Variants in KYNU observed in about 807,000 individuals in gnomAD.
The protein encoded by KYNU is L-kynurenine hydrolase.
KYNU carries 54 observed loss-of-function variants against 59.2 expected under a neutral mutation model. That is an observed-to-expected ratio of 0.91 (90% CI 0.73 to 1.14). The LOEUF (loss-of-function observed/expected upper bound fraction) is 1.14. KYNU is among the 50% of genes most tolerant of loss of function. The pLI is 0.00. For synonymous variants in KYNU, 177 were observed against 192.0 expected, an observed-to-expected ratio of 0.92 and a Z score of 0.65; for missense variants, 567 against 554.4, an observed-to-expected ratio of 1.02 and a Z score of -0.23.
At chr2:142,898,591 A>C (rs897024930) in intron 2 of KYNU, among the ~76,000 whole-genome samples, 3 of 152,234 alleles carry the variant, frequency 2.0e-5, no homozygotes, top group Non-Finnish European at 4.4e-5. Flanking sequence ...ATACCTAGCT[A>C]GTAATATTCC....
At position 143,055,665 on chromosome 2, in the gene KYNU, A is replaced by T. The variant is rs760317705; in HGVS notation, c.*13493A>T. 6.6e-6 allele frequency: 1 copy of T among 152,184 alleles called. No individual in the cohort carries two copies. Among genetic ancestry groups the T allele is most frequent in the Non-Finnish European group, 1.5e-5 (1 of 68,000 alleles). The allele number at this position is 152,184 out of a possible 1,614,324, so 9.4% of individuals were successfully genotyped here. A position where few individuals can be genotyped will look rare whatever the true frequency, so the allele number is the denominator to read the frequency against. On this transcript the variant is annotated 3_prime_UTR_variant, in exon 14 of 14. Transcript: ENST00000264170. ...AAGGAAGGAAGGAAGGAAGGAAGGA[A>T]GGAAGGAAGGAAGGAAGGAAAGGGA...
At chr2:143,036,861 G>A (rs926679826) in intron 12 of KYNU, among the ~76,000 whole-genome samples, 1 of 152,126 alleles carries the variant, frequency 6.6e-6, no homozygotes, top group African/African-American at 2.4e-5. Context: ...AGAAGTAAAT[G>A]CATGAATCAA....
chr2:142,954,894 G>A (rs898395131), intron 5 of KYNU, 23 bp downstream of exon 5: 2 of 1,376,944 alleles, frequency 1.5e-6, no homozygotes, highest in Non-Finnish European at 2.1e-6. Flanking sequence ...TCCCACTAAT[G>A]TTTAGAACAC....
At chr2:142,887,551 A>T (rs1011568928) in intron 2 of KYNU, among the ~76,000 whole-genome samples, 2 of 152,228 alleles carry the variant, frequency 1.3e-5, no homozygotes, top group African/African-American at 4.8e-5. Context: ...GAATTAACCC[A>T]TCATCAATAG....
intron 2 of KYNU, among the ~76,000 whole-genome samples, chr2:142,905,772 T>C (rs1682272446): frequency 6.6e-6 from 1 of 152,204 alleles, no homozygotes; most frequent in Non-Finnish European, 1.5e-5. Context: ...GGTTACTGGG[T>C]TAAGAATTTT....
At chr2:143,018,814 T>C (rs1686331360) in intron 10 of KYNU, among the ~76,000 whole-genome samples, 1 of 152,148 alleles carries the variant, frequency 6.6e-6, no homozygotes, top group African/African-American at 2.4e-5. Context: ...TTGGCAGAGT[T>C]TTGTAGTTCT....
chr2:142,993,538 G>A (rs1299854461), intron 10 of KYNU, among the ~76,000 whole-genome samples: 1 of 151,978 alleles, frequency 6.6e-6, no homozygotes, highest in Non-Finnish European at 1.5e-5. Context: ...GTGGAATCAT[G>A]ACATACAACC....
intron 4 of KYNU, among the ~76,000 whole-genome samples, chr2:142,937,173 T>A (rs554534274): frequency 4.6e-5 from 7 of 152,316 alleles, no homozygotes; most frequent in African/African-American, 1.7e-4. Context: ...GCTCTCTTCC[T>A]GCTTCTGCTA....
At chr2:142,970,070 C>T (rs752706164) in intron 8 of KYNU, among the ~76,000 whole-genome samples, 20 of 152,122 alleles carry the variant, frequency 1.3e-4, no homozygotes, top group Admixed American at 5.2e-4. Context: ...AATGGAATTC[C>T]AAAAGATCTT....
intron 4 of KYNU, among the ~76,000 whole-genome samples, chr2:142,935,824 T>G (rs1190883627): frequency 6.6e-6 from 1 of 151,790 alleles, no homozygotes; most frequent in Admixed American, 6.6e-5. Flanking sequence ...GGGAGTTGAG[T>G]TGATAAGCAG....
intron 8 of KYNU, among the ~76,000 whole-genome samples, chr2:142,972,813 T>TAG (rs66473877): frequency 0.017 from 2,075 of 124,134 alleles, 27 homozygotes; most frequent in African/African-American, 0.033. Flanking sequence ...TATATATATA[T>TAG]AGAGAGAGAG....
chr2:142,941,895 A>G (rs1368138466), intron 4 of KYNU, among the ~76,000 whole-genome samples: 2 of 152,176 alleles, frequency 1.3e-5, no homozygotes, highest in African/African-American at 2.4e-5. Flanking sequence ...TAAACGAGGC[A>G]CAGTGGCTCA....
chr2:143,029,811 A>G (rs1686691573), intron 11 of KYNU, 132 bp downstream of exon 11: 1 of 659,096 alleles, frequency 1.5e-6, no homozygotes, highest in Non-Finnish European at 2.8e-6. Flanking sequence ...GAATTCTCAA[A>G]TAAGAAATGA....
intron 8 of KYNU, among the ~76,000 whole-genome samples, chr2:142,975,273 G>T (rs958890690): frequency 1.3e-5 from 2 of 152,138 alleles, no homozygotes; most frequent in East Asian, 3.9e-4. Context: ...GAGGCAGCTG[G>T]ACAGTCAGAG....
intron 1 of KYNU, among the ~76,000 whole-genome samples, chr2:142,879,210 T>G (rs1681206279): frequency 6.6e-6 from 1 of 152,178 alleles, no homozygotes; most frequent in South Asian, 2.1e-4. Context: ...AATTGCATCC[T>G]TAGAGTGAGT....
intron 10 of KYNU, among the ~76,000 whole-genome samples, chr2:142,996,914 G>A (rs750394186): frequency 5.9e-5 from 9 of 152,110 alleles, no homozygotes; most frequent in Non-Finnish European, 1.2e-4. Context: ...TGATAAAAAT[G>A]AAGCATCACA....
chr2:142,986,847 TA>T (rs1345365342), intron 10 of KYNU, among the ~76,000 whole-genome samples: 2 of 151,938 alleles, frequency 1.3e-5, no homozygotes, highest in Non-Finnish European at 2.9e-5. Flanking sequence ...GACTGAGTGG[TA>T]AAATCTTTAC....
At chr2:142,900,746 C>T (rs1218858909) in intron 2 of KYNU, among the ~76,000 whole-genome samples, 3 of 152,168 alleles carry the variant, frequency 2.0e-5, no homozygotes, top group Non-Finnish European at 4.4e-5. Flanking sequence ...ATTGCTCTAA[C>T]TGCTTCCTGC....
chr2:142,996,107 C>A (rs529194329), intron 10 of KYNU, among the ~76,000 whole-genome samples: 1 of 152,024 alleles, frequency 6.6e-6, no homozygotes, highest in Non-Finnish European at 1.5e-5. Context: ...GACTTATGAA[C>A]CCATGCAGCC....
Sources: gnomAD v4.1 joint callset for allele counts (sites outside exome capture counted in the v4.1 genomes callset) on GRCh38, gnomAD v4.1.1 for gene constraint, MANE v1.5 for transcripts, NCBI Gene and HGNC (gene_info 2026-07-23, HGNC 2026-07-21) for gene names.